DTWD1: variants seen among roughly 807,000 people sequenced by gnomAD.
DTWD1 encodes the protein DTW motif tRNA-uridine aminocarboxypropyltransferase 1, also known as tRNA-uridine aminocarboxypropyltransferase 1.
A neutral mutation model predicts 30.2 loss-of-function variants in DTWD1; 27 were observed. The observed-to-expected ratio is 0.90, with a 90% CI of 0.66 to 1.23. The LOEUF (loss-of-function observed/expected upper bound fraction) is 1.23. Ranked by LOEUF, DTWD1 falls within the 50% of genes most tolerant of loss-of-function variation. The probability of loss-of-function intolerance (pLI) is 0.00; values close to 1 mark genes in which losing one functional copy is unlikely to be tolerated. For missense variants in DTWD1, 342 were observed against 348.8 expected (o/e 0.98, Z 0.15); for synonymous variants, 99 against 113.1 (o/e 0.88, Z 0.79).
In DTWD1 at chr15:49,653,708, G is replaced by T. The variant is rs2079165041; in HGVS notation, c.*10130G>T. On this transcript the variant is annotated 3_prime_UTR_variant, in exon 5 of 5. Transcript: ENST00000403028. ...AAATGAAACTTAATAGCTTGTAGAT[G>T]TCTTAAGGAGATTTCCAGGTGAATG... 1 of 152,096 alleles carries T rather than the reference G, an allele frequency of 6.6e-6. No homozygotes were observed. Among genetic ancestry groups the T allele is most frequent in the African/African-American group, 2.4e-5 (1 of 41,426 alleles). The allele number at this position is 152,096 out of a possible 1,614,324, so 9.4% of individuals were successfully genotyped here.
At position 49,648,845 on chromosome 15, in the gene DTWD1, C is replaced by T. The variant is rs2079136250; in HGVS notation, c.*5267C>T. ...TTACTAGCTAATCCAACAACGAGGC[C>T]TTATTTTGGCTTTCTTTCGAAAGGT... On this transcript the variant is annotated 3_prime_UTR_variant, in exon 5 of 5. Transcript: ENST00000403028. 1.3e-5 allele frequency: 2 copies of T among 152,084 alleles called. No homozygotes were observed. The highest frequency in any genetic ancestry group is 6.6e-5 in the Admixed American group (1 of 15,250). The allele number at this position is 152,084 out of a possible 1,614,324, so 9.4% of individuals were successfully genotyped here. A position where few individuals can be genotyped will look rare whatever the true frequency, so the allele number is the denominator to read the frequency against.
chr15:49,636,093 A>G (rs369661737), intron 4 of DTWD1, among the ~76,000 whole-genome samples: 1 of 152,322 alleles, frequency 6.6e-6, no homozygotes, highest in East Asian at 1.9e-4. Flanking sequence ...TGAATCATAT[A>G]GTATGTACTC....
intron 2 of DTWD1, chr15:49,626,797 A>G: frequency 2.3e-6 from 1 of 441,766 alleles, no homozygotes; most frequent in South Asian, 1.6e-5. Context: ...CTAAAATCAC[A>G]TGTATAGGCT....
chr15:49,638,313 ATTCC>A (rs1448145233), intron 4 of DTWD1, among the ~76,000 whole-genome samples: 1 of 152,176 alleles, frequency 6.6e-6, no homozygotes, highest in Non-Finnish European at 1.5e-5. Flanking sequence ...GATTTTTGTT[ATTCC>A]TTCCCAATTC....
chr15:49,632,037 A>C, intron 2 of DTWD1, 122 bp from the exon 3 acceptor site: 1 of 916,050 alleles, frequency 1.1e-6, no homozygotes. Flanking sequence ...ATATCTTTTA[A>C]ACCATATGCA....
At chr15:49,636,134 C>A (rs996592987) in intron 4 of DTWD1, among the ~76,000 whole-genome samples, 4 of 152,040 alleles carry the variant, frequency 2.6e-5, no homozygotes, top group Non-Finnish European at 5.9e-5. Flanking sequence ...CTTTCTCACA[C>A]AAAATAAATA....
chr15:49,621,694 A>G (rs2078719076), intron 1 of DTWD1, among the ~76,000 whole-genome samples: 1 of 152,222 alleles, frequency 6.6e-6, no homozygotes, highest in South Asian at 2.1e-4. Flanking sequence ...TAAAATCAAT[A>G]CTGTAGATCG....
Position 49,634,679 on chromosome 15 carries a change from A to T in DTWD1, c.552A>T (p.Gln184His). 1 of 1,613,802 alleles carries T rather than the reference A, an allele frequency of 6.2e-7. No homozygotes were observed. ...TTAAACGCAAAAGAACTGAAGAACA[A>T]GAGTTCTGTGATTTGAATGACAGCA... ...PSFKRKRTEEQEFCDLNDSKC... is the reference protein window; with the variant it reads ...PSFKRKRTEEHEFCDLNDSKC... Residue 184 changes from glutamine to histidine, a missense_variant, in exon 4 of 5, where the codon CAA becomes CAT. Physicochemically the swap from Gln to His is conservative, Grantham distance 24. Coordinates refer to ENST00000403028, the MANE Select transcript of DTWD1 (RefSeq NM_001144955.2).
intron 1 of DTWD1, among the ~76,000 whole-genome samples, chr15:49,622,631 A>G (rs1008318679): frequency 2.0e-5 from 3 of 152,204 alleles, no homozygotes; most frequent in Admixed American, 6.5e-5. Flanking sequence ...TTTGATGTTA[A>G]CAAGTATGTT....
intron 4 of DTWD1, among the ~76,000 whole-genome samples, chr15:49,636,503 A>G (rs1567742472): frequency 6.6e-6 from 1 of 152,090 alleles, no homozygotes; most frequent in East Asian, 1.9e-4. Context: ...GTCACGGTTT[A>G]TTTCATTATT....
rs564604950 is a variant in DTWD1 at position 49,626,181 on chromosome 15, T to A, written c.264+750T>A. Among the ~76,000 whole-genome samples the A allele has an allele frequency of 7.2e-5, 11 of 152,212 alleles. No individual in the cohort carries two copies. The South Asian group carries it at 2.3e-3, about 32-fold the overall frequency. On this transcript the variant is annotated intron_variant, in intron 2 of 4. Transcript: ENST00000403028. ...ACTTATGAATACTAAAAAAAAAGTT[T>A]ATAGACACCCTGAAGGAGCTCCAAA...
intron 2 of DTWD1, among the ~76,000 whole-genome samples, chr15:49,627,746 T>C (rs1448404534): frequency 6.6e-6 from 1 of 152,104 alleles, no homozygotes; most frequent in Non-Finnish European, 1.5e-5. Context: ...AAAATAGTAA[T>C]CCTTTATGGG....
In DTWD1 at chr15:49,643,673, C is replaced by T. The variant is rs1356966613; in HGVS notation, c.*95C>T. ...TCTTAAGAAATAATCATATATAATG[C>T]CTGTAAGACCATTTGAAAAAATTCC... On this transcript the variant is annotated 3_prime_UTR_variant, in exon 5 of 5. Transcript: ENST00000403028. 3.9e-6 allele frequency: 5 copies of T among 1,266,306 alleles called. No individual in the cohort carries two copies. Among genetic ancestry groups the T allele is most frequent in the South Asian group, 2.0e-5 (1 of 49,012 alleles). The allele number at this position is 1,266,306 out of a possible 1,614,324, so 78.4% of individuals were successfully genotyped here.
At chr15:49,642,492 A>G (rs2079077066) in intron 4 of DTWD1, among the ~76,000 whole-genome samples, 1 of 152,204 alleles carries the variant, frequency 6.6e-6, no homozygotes, top group South Asian at 2.1e-4. Context: ...CAAACAAAAG[A>G]AACCACAGCT....
intron 4 of DTWD1, 23 bp from the exon 5 acceptor site, chr15:49,643,306 CTT>C (rs5812490): frequency 0.022 from 25,910 of 1,159,288 alleles, no homozygotes; most frequent in Middle Eastern, 0.028. Context: ...TTCTTTCTTT[CTT>C]TTTTTTTTTT....
At chr15:49,625,500 C>T (rs766814797) in intron 2 of DTWD1, 69 bp downstream of exon 2, 1 of 1,313,130 alleles carries the variant, frequency 7.6e-7, no homozygotes, top group Non-Finnish European at 1.0e-6. Flanking sequence ...TGTATACCTA[C>T]TCTAATTGAT....
chr15:49,638,466 T>C (rs1419708771), intron 4 of DTWD1, among the ~76,000 whole-genome samples: 2 of 152,206 alleles, frequency 1.3e-5, no homozygotes, highest in Non-Finnish European at 2.9e-5. Context: ...CCCTGTCCTT[T>C]GTGGCTCTTC....
intron 4 of DTWD1, among the ~76,000 whole-genome samples, chr15:49,639,626 AGG>A: frequency 6.6e-6 from 1 of 152,308 alleles, no homozygotes; most frequent in East Asian, 1.9e-4. Context: ...TAGAAATACT[AGG>A]GTATAAAAAA....
rs180816667 is a variant in DTWD1 at position 49,640,718 on chromosome 15, C to T, written c.668-2613C>T. Reference sequence around the variant, plus strand: ...ATTACATTGTTTATTTGGCCATATACGTGTCCTATTCTGTGAAATATCTAT... The same window carrying T: ...ATTACATTGTTTATTTGGCCATATATGTGTCCTATTCTGTGAAATATCTAT... On this transcript the variant is annotated intron_variant, in intron 4 of 4. Transcript: ENST00000403028. Among the ~76,000 whole-genome samples the T allele has an allele frequency of 5.3e-4, 80 of 151,656 alleles. 1 individual carries two copies. The Middle Eastern group carries it at 0.014, about 26-fold the overall frequency.
Sources: allele counts gnomAD v4.1 joint callset (sites outside exome capture counted in the v4.1 genomes callset), GRCh38; gene constraint gnomAD v4.1.1; transcripts MANE v1.5; gene names NCBI Gene and HGNC (gene_info 2026-07-23, HGNC 2026-07-21).